Variants in GAP43 observed in about 807,000 individuals in gnomAD.
The protein encoded by GAP43 is growth associated protein 43.
GAP43 carries 6 observed loss-of-function variants against 18.6 expected under a neutral mutation model. The observed-to-expected ratio is 0.32, with a 90% CI of 0.18 to 0.64. The LOEUF (loss-of-function observed/expected upper bound fraction) is 0.64. Among genes scored for constraint, GAP43 ranks in the 30% least tolerant of loss-of-function variants. GAP43 has a pLI of 0.78. For missense variants in GAP43, 292 were observed against 295.5 expected (o/e 0.99, Z 0.09); for synonymous variants, 115 against 111.4 (o/e 1.03, Z -0.20).
At chr3:115,676,744 G>A (rs1437148959) in intron 2 of GAP43, 134 bp downstream of exon 2, 3 of 987,154 alleles carry the variant, frequency 3.0e-6, no homozygotes, top group Non-Finnish European at 4.3e-6. Context: ...GGGAAGCTGT[G>A]CTTAATTTCC....
At chr3:115,680,047 C>T (rs999318030) in intron 2 of GAP43, among the ~76,000 whole-genome samples, 18 of 152,148 alleles carry the variant, frequency 1.2e-4, no homozygotes, top group Non-Finnish European at 2.1e-4. Flanking sequence ...TTTTATCCTT[C>T]CTTCCTCCCT....
chr3:115,674,848 C>T (rs1224877591), intron 1 of GAP43, among the ~76,000 whole-genome samples: 1 of 152,160 alleles, frequency 6.6e-6, no homozygotes, highest in African/African-American at 2.4e-5. Flanking sequence ...GCATAAAATC[C>T]TGATGGGATT....
chr3:115,648,317 C>T (rs1181527421), intron 1 of GAP43, among the ~76,000 whole-genome samples: 1 of 152,050 alleles, frequency 6.6e-6, no homozygotes, highest in East Asian at 1.9e-4. Context: ...ACTGGGACTC[C>T]TCTGTCCACT....
In GAP43 at chr3:115,700,193, A is replaced by G. The variant is rs1328643825; in HGVS notation, c.629-20601A>G. ...CAGACAAGGGCACTTTGTGTGATGGATCAGGACAAAACAAGACCACCATAA... is the reference window on the plus strand; with the variant it reads ...CAGACAAGGGCACTTTGTGTGATGGGTCAGGACAAAACAAGACCACCATAA... On this transcript the variant is annotated intron_variant, in intron 2 of 2. Coordinates refer to ENST00000305124, the MANE Select transcript of GAP43 (RefSeq NM_002045.4). 2.6e-5 allele frequency among the ~76,000 whole-genome samples: 4 copies of G among 152,210 alleles called. No individual in the cohort carries two copies. In the East Asian group the frequency reaches 7.7e-4, roughly 29 times the overall value.
rs7374101 is a variant in GAP43 at position 115,647,758 on chromosome 3, C to A, written c.30+24039C>A. Among the ~76,000 whole-genome samples the A allele has an allele frequency of 2.6e-4, 35 of 132,106 alleles. 1 individual carries two copies. The highest frequency in any genetic ancestry group is 9.3e-4 in the South Asian group (4 of 4,288). The allele number at this position is 132,106 out of a possible 152,430, so 86.7% of individuals were successfully genotyped here. On this transcript the variant is annotated intron_variant, in intron 1 of 2. Coordinates refer to ENST00000305124, the MANE Select transcript of GAP43 (RefSeq NM_002045.4). The stretch of plus-strand genomic sequence containing the variant: ...ACAAAAACAAAACAAAACAAAAAAA[C>A]AAAAAAAAAAAACGGCCTGATAGGG...
chr3:115,693,921 G>C (rs1303667143), intron 2 of GAP43, among the ~76,000 whole-genome samples: 1 of 152,092 alleles, frequency 6.6e-6, no homozygotes, highest in Non-Finnish European at 1.5e-5. Flanking sequence ...TAACAACCTG[G>C]CTTATTGAAA....
chr3:115,688,937 G>A (rs9858175), intron 2 of GAP43, among the ~76,000 whole-genome samples: 10,495 of 152,220 alleles, frequency 0.069, 481 homozygotes, highest in Middle Eastern at 0.12. Flanking sequence ...ATGATCTCAC[G>A]TCTTAGCTTT....
chr3:115,666,005 T>A (rs1708728722), intron 1 of GAP43, among the ~76,000 whole-genome samples: 1 of 141,052 alleles, frequency 7.1e-6, no homozygotes, highest in African/African-American at 3.2e-5. Context: ...TGTGTGTGTG[T>A]GTGTGTGTGT....
At chr3:115,670,972 TA>T (rs1269486006) in intron 1 of GAP43, among the ~76,000 whole-genome samples, 19 of 152,222 alleles carry the variant, frequency 1.2e-4, no homozygotes, top group Admixed American at 1.2e-3. Flanking sequence ...AATTCAATAC[TA>T]TTTTTTAAAA....
chr3:115,637,179 C>T (rs1708340246), intron 1 of GAP43, among the ~76,000 whole-genome samples: 2 of 151,980 alleles, frequency 1.3e-5, no homozygotes, highest in African/African-American at 2.4e-5. Flanking sequence ...CTGTCCTTTG[C>T]TTTGGCATTC....
At chr3:115,694,445 C>T (rs1028831523) in intron 2 of GAP43, among the ~76,000 whole-genome samples, 1 of 152,168 alleles carries the variant, frequency 6.6e-6, no homozygotes, top group African/African-American at 2.4e-5. Context: ...ACTTATTAGG[C>T]CCTCGCCATA....
intron 1 of GAP43, among the ~76,000 whole-genome samples, chr3:115,652,238 A>T (rs982446932): frequency 2.0e-5 from 3 of 150,278 alleles, no homozygotes; most frequent in African/African-American, 2.4e-5. Flanking sequence ...CTTTTGTATT[A>T]TTTATTTAAT....
intron 2 of GAP43, among the ~76,000 whole-genome samples, chr3:115,689,377 T>G (rs1256452897): frequency 6.6e-6 from 1 of 152,172 alleles, no homozygotes; most frequent in African/African-American, 2.4e-5. Context: ...AGGCTCTCAA[T>G]AGACATCCTC....
At chr3:115,652,983 C>A (rs893088642) in intron 1 of GAP43, among the ~76,000 whole-genome samples, 1 of 152,034 alleles carries the variant, frequency 6.6e-6, no homozygotes, top group African/African-American at 2.4e-5. Context: ...AAGTTACCAG[C>A]CAAAGAAATT....
intron 2 of GAP43, among the ~76,000 whole-genome samples, chr3:115,701,980 C>T (rs952789267): frequency 6.6e-6 from 1 of 152,042 alleles, no homozygotes; most frequent in South Asian, 2.1e-4. Flanking sequence ...AAAGAAGAAT[C>T]AACAGATACA....
At chr3:115,643,438 T>C (rs1450625954) in intron 1 of GAP43, among the ~76,000 whole-genome samples, 1 of 152,056 alleles carries the variant, frequency 6.6e-6, no homozygotes, top group Non-Finnish European at 1.5e-5. Flanking sequence ...CCTAATCCAT[T>C]TCAGGTTCTA....
rs147797225 is a variant in GAP43 at position 115,715,082 on chromosome 3, T to C, written c.629-5712T>C. Among the ~76,000 whole-genome samples the C allele has an allele frequency of 3.7e-3, 568 of 152,282 alleles. 1 individual carries two copies. Among genetic ancestry groups the C allele is most frequent in the African/African-American group, 0.013 (547 of 41,562 alleles). ...ACACTAATCCCAGTCATGAGTCCGC[T>C]ACCCTCATGATTTAACCACCTCCCA... On this transcript the variant is annotated intron_variant, in intron 2 of 2. Transcript: ENST00000305124.
Position 115,692,417 on chromosome 3 carries a change from G to T in GAP43, c.628+15807G>T, listed in dbSNP as rs182965590. 1.0e-3 allele frequency among the ~76,000 whole-genome samples: 155 copies of T among 152,256 alleles called. 1 individual carries two copies. Among genetic ancestry groups the T allele is most frequent in the African/African-American group, 3.6e-3 (148 of 41,564 alleles). ...TAGATTATAAAAGTGAATATCTGTT[G>T]TCATGGAAGTTACAGTCTGGATGGG... is the stretch of plus-strand genomic sequence containing the variant. On this transcript the variant is annotated intron_variant, in intron 2 of 2. Coordinates refer to ENST00000305124, the MANE Select transcript of GAP43 (RefSeq NM_002045.4).
At chr3:115,649,350 A>T (rs1004808114) in intron 1 of GAP43, among the ~76,000 whole-genome samples, 2 of 152,240 alleles carry the variant, frequency 1.3e-5, no homozygotes, top group South Asian at 4.1e-4. Context: ...TGCATTAGGG[A>T]TTAAGTTTCA....
Sources: gnomAD v4.1 joint callset for allele counts (sites outside exome capture counted in the v4.1 genomes callset) on GRCh38, gnomAD v4.1.1 for gene constraint, MANE v1.5 for transcripts, NCBI Gene and HGNC (gene_info 2026-07-23, HGNC 2026-07-21) for gene names.